The following MUSK variants were observed in gnomAD, a reference collection of about 807,000 sequenced individuals.
MUSK encodes muscle, skeletal receptor tyrosine-protein kinase.
In MUSK, 55 loss-of-function variants were observed where a neutral mutation model predicts 88.7. The ratio of observed to expected loss-of-function variants is 0.62; its 90% CI spans 0.50 to 0.78. MUSK has a LOEUF of 0.78. MUSK is among the 30% of genes least tolerant of loss of function. MUSK has a pLI of 0.00. For missense variants in MUSK, 1,015 were observed against 1,074.3 expected (o/e 0.94, Z 0.77); for synonymous variants, 387 against 391.9 (o/e 0.99, Z 0.15).
intron 9 of MUSK, 25 bp downstream of exon 9, chr9:110,768,108 G>A (rs2077512803): frequency 1.9e-6 from 3 of 1,572,232 alleles, no homozygotes; most frequent in South Asian, 1.2e-5. Flanking sequence ...ATAAGTCAAA[G>A]GAAAAATTCC....
At chr9:110,699,184 T>C (rs530126345) in intron 5 of MUSK, among the ~76,000 whole-genome samples, 3 of 152,288 alleles carry the variant, frequency 2.0e-5, no homozygotes, top group Admixed American at 6.5e-5. Context: ...GTCAGTAACA[T>C]TGAATACTGC....
chr9:110,673,940 G>T (rs1011003253), intron 1 of MUSK, among the ~76,000 whole-genome samples: 1 of 151,812 alleles, frequency 6.6e-6, no homozygotes, highest in African/African-American at 2.4e-5. Flanking sequence ...ACATTGTGCT[G>T]CCTGCTATTT....
At chr9:110,690,405 T>C (rs1235794018) in intron 3 of MUSK, among the ~76,000 whole-genome samples, 1 of 99,674 alleles carries the variant, frequency 1.0e-5, no homozygotes, top group Non-Finnish European at 1.8e-5. Flanking sequence ...TATACATAAA[T>C]ATATATATTT....
intron 5 of MUSK, among the ~76,000 whole-genome samples, chr9:110,720,234 A>G (rs2076793802): frequency 6.6e-6 from 1 of 152,028 alleles, no homozygotes; most frequent in Non-Finnish European, 1.5e-5. Flanking sequence ...GAAAAGAAAT[A>G]TAAAAGATGA....
intron 1 of MUSK, among the ~76,000 whole-genome samples, chr9:110,681,681 C>G (rs1366605657): frequency 6.6e-6 from 1 of 151,930 alleles, no homozygotes; most frequent in Non-Finnish European, 1.5e-5. Context: ...CTCCCACTCA[C>G]CATTTTTTTT....
rs568458289 is a variant in MUSK at position 110,764,618 on chromosome 9, G to C, written c.920+2410G>C. On this transcript the variant is annotated intron_variant, in intron 8 of 14. Coordinates refer to ENST00000374448, the MANE Select transcript of MUSK (RefSeq NM_005592.4). ...GATAGATAGATTAGATAGATAGATA[G>C]ATAGATAGATAGATAGATAGGTAGG... 2.7e-5 allele frequency among the ~76,000 whole-genome samples: 4 copies of C among 146,662 alleles called. No homozygotes were observed. In the East Asian group the frequency reaches 5.8e-4, roughly 21 times the overall value.
intron 1 of MUSK, among the ~76,000 whole-genome samples, chr9:110,678,740 T>A (rs1384989827): frequency 6.6e-6 from 1 of 152,170 alleles, no homozygotes; most frequent in African/African-American, 2.4e-5. Context: ...TATTTAAGCT[T>A]TAATTTTCAT....
rs2078141627 is a variant in MUSK at position 110,804,775 on chromosome 9, C to A, written c.*3787C>A. On this transcript the variant is annotated 3_prime_UTR_variant, in exon 15 of 15. Coordinates refer to ENST00000374448, the MANE Select transcript of MUSK (RefSeq NM_005592.4). Reference sequence around the variant, plus strand: ...CAATAATATGTATAATCATAATAGACAATAATAAAAATGAAAAAACACCAA... The same window carrying A: ...CAATAATATGTATAATCATAATAGAAAATAATAAAAATGAAAAAACACCAA... Among the ~76,000 whole-genome samples, 1 of 151,300 alleles carries A rather than the reference C, an allele frequency of 6.6e-6. No individual in the cohort carries two copies. The highest frequency in any genetic ancestry group is 2.1e-4 in the South Asian group (1 of 4,792).
At position 110,747,632 on chromosome 9, in the gene MUSK, C is replaced by T. The variant is rs750115279; in HGVS notation, c.754-9C>T. The T allele has an allele frequency of 5.0e-6, 8 of 1,606,570 alleles. No individual in the cohort carries two copies. The East Asian group carries it at 1.6e-4, about 31-fold the overall frequency. Reference sequence around the variant, plus strand: ...GACTGAGTTCTTTTATTTTCCTTTACTCTGTCAGGTTTCTTCTGGGTCCAT... The same window carrying T: ...GACTGAGTTCTTTTATTTTCCTTTATTCTGTCAGGTTTCTTCTGGGTCCAT... On this transcript the variant is annotated splice_polypyrimidine_tract_variant and intron_variant, in intron 6 of 14. Coordinates refer to ENST00000374448, the MANE Select transcript of MUSK (RefSeq NM_005592.4).
intron 9 of MUSK, among the ~76,000 whole-genome samples, chr9:110,775,079 A>T (rs2131984591): frequency 6.6e-6 from 1 of 152,278 alleles, no homozygotes; most frequent in Non-Finnish European, 1.5e-5. Context: ...ACAAATACTA[A>T]TCTGCAAAAT....
At chr9:110,785,754 A>T in intron 13 of MUSK, 36 bp downstream of exon 13, 1 of 1,537,058 alleles carries the variant, frequency 6.5e-7, no homozygotes, top group South Asian at 1.3e-5. Flanking sequence ...CTCCATTGAA[A>T]TATGTTATGT....
intron 7 of MUSK, among the ~76,000 whole-genome samples, chr9:110,755,446 G>A (rs1456025078): frequency 1.3e-5 from 2 of 152,106 alleles, no homozygotes. Context: ...AAACCTGACA[G>A]GTACACAGAG....
rs976503910 is a variant in MUSK at position 110,784,870 on chromosome 9, C to T, written c.1440C>T (p.Ser480=). Residue 480 remains serine (S), a synonymous_variant, in exon 12 of 15, where the codon TCC becomes TCT. Coordinates refer to ENST00000374448, the MANE Select transcript of MUSK (RefSeq NM_005592.4). The part of the protein sequence containing the change: ...KPSVDIPNLP[S]SSSSSFSVSP... Reference sequence around the variant, plus strand: ...GTGTGGACATTCCAAATCTGCCTTCCTCCTCCTCTTCTTCCTTCTCTGTCT... The same window carrying T: ...GTGTGGACATTCCAAATCTGCCTTCTTCCTCCTCTTCTTCCTTCTCTGTCT... 1 of 1,613,794 alleles carries T rather than the reference C, an allele frequency of 6.2e-7. No individual in the cohort carries two copies. The highest frequency in any genetic ancestry group is 1.7e-5 in the Admixed American group (1 of 60,016).
chr9:110,682,065 A>G (rs1188132053), intron 1 of MUSK, among the ~76,000 whole-genome samples: 1 of 152,094 alleles, frequency 6.6e-6, no homozygotes, highest in Non-Finnish European at 1.5e-5. Context: ...TTTACCCATT[A>G]AAGTGTACAA....
intron 8 of MUSK, among the ~76,000 whole-genome samples, chr9:110,766,105 A>G (rs2131948548): frequency 6.6e-6 from 1 of 152,248 alleles, no homozygotes; most frequent in African/African-American, 2.4e-5. Context: ...TGTTACACAG[A>G]AAAGCTGGGG....
intron 5 of MUSK, among the ~76,000 whole-genome samples, chr9:110,713,282 C>CA (rs1212547097): frequency 7.4e-6 from 1 of 135,256 alleles, no homozygotes; most frequent in African/African-American, 2.8e-5. Flanking sequence ...TTTTTTGAGA[C>CA]AGAGTCTCTC....
intron 11 of MUSK, among the ~76,000 whole-genome samples, chr9:110,780,679 T>C (rs560571403): frequency 6.6e-6 from 1 of 152,350 alleles, no homozygotes; most frequent in African/African-American, 2.4e-5. Flanking sequence ...GATTTCACTC[T>C]TTTCTAGCTT....
At chr9:110,787,439 T>A (rs539424379) in intron 13 of MUSK, among the ~76,000 whole-genome samples, 34 of 152,016 alleles carry the variant, frequency 2.2e-4, no homozygotes, top group Non-Finnish European at 4.1e-4. Context: ...TTCCTATAAT[T>A]TGTAAATAAT....
chr9:110,766,130 T>C (rs2077480832), intron 8 of MUSK, among the ~76,000 whole-genome samples: 1 of 151,948 alleles, frequency 6.6e-6, no homozygotes, highest in African/African-American at 2.4e-5. Context: ...GTAGAGTAAA[T>C]GTTTAGGTTT....
Sources: gnomAD v4.1 joint callset for allele counts (sites outside exome capture counted in the v4.1 genomes callset) on GRCh38, gnomAD v4.1.1 for gene constraint, MANE v1.5 for transcripts, NCBI Gene and HGNC (gene_info 2026-07-23, HGNC 2026-07-21) for gene names.